The following LAMA2 variants were observed in gnomAD, a reference collection of about 807,000 sequenced individuals.
LAMA2 encodes the protein laminin subunit alpha-2.
Under a neutral mutation model 364.8 loss-of-function variants are expected in LAMA2, and 269 were observed. The ratio of observed to expected loss-of-function variants is 0.74; its 90% CI spans 0.67 to 0.82. The LOEUF is 0.82. LAMA2 is among the 40% of genes least tolerant of loss of function. The probability of loss-of-function intolerance (pLI) is 0.00; values close to 1 mark genes in which losing one functional copy is unlikely to be tolerated. For synonymous variants in LAMA2, 1,379 were observed against 1,370.6 expected (o/e 1.01, Z -0.14); for missense variants, 3,807 against 3,873.2 (o/e 0.98, Z 0.45).
At chr6:129,444,908 C>T (rs891514862) in intron 44 of LAMA2, among the ~76,000 whole-genome samples, 2 of 152,254 alleles carry the variant, frequency 1.3e-5, no homozygotes, top group African/African-American at 2.4e-5. Context: ...TACCACGTGG[C>T]ATAGGCCCTC....
chr6:128,905,955 G>A (rs534664628), intron 1 of LAMA2, among the ~76,000 whole-genome samples: 2 of 151,650 alleles, frequency 1.3e-5, no homozygotes, highest in African/African-American at 4.8e-5. Flanking sequence ...CCCTACAAAG[G>A]ACATGAACTC....
chr6:128,956,326 G>C (rs951452764), intron 1 of LAMA2, among the ~76,000 whole-genome samples: 28 of 151,952 alleles, frequency 1.8e-4, no homozygotes, highest in African/African-American at 6.0e-4. Flanking sequence ...CCAGACCCTG[G>C]GGTATGTCTA....
Position 129,464,412 on chromosome 6 carries a change from C to A in LAMA2, c.7115C>A (p.Ser2372Tyr). The change falls in exon 50 of 65, where the codon TCT becomes TAT. Residue 2372 changes from serine to tyrosine, a missense_variant. Physicochemically the swap from Ser to Tyr is moderately radical, Grantham distance 144. Transcript: ENST00000421865. ...STVMFKFRTF[S>Y]SSALLMYLAT... is the part of the protein sequence containing the mutation. ...GTCATGTTCAAGTTCAGAACATTTT[C>A]TTCGAGTGCTCTTCTGATGTATCTT... is the stretch of plus-strand genomic sequence containing the variant. 1.2e-6 allele frequency: 2 copies of A among 1,612,302 alleles called. No individual in the cohort carries two copies. The highest frequency in any genetic ancestry group is 4.5e-5 in the East Asian group (2 of 44,834).
intron 1 of LAMA2, among the ~76,000 whole-genome samples, chr6:128,901,239 A>G (rs1240811452): frequency 6.6e-6 from 1 of 152,210 alleles, no homozygotes; most frequent in Admixed American, 6.5e-5. Flanking sequence ...ATTTTCAAAA[A>G]TCCTATGCTT....
At chr6:128,915,949 T>C (rs1465255574) in intron 1 of LAMA2, among the ~76,000 whole-genome samples, 1 of 152,222 alleles carries the variant, frequency 6.6e-6, no homozygotes, top group Non-Finnish European at 1.5e-5. Context: ...ATAAGATGTG[T>C]AATACAGCTA....
chr6:129,128,920 A>C (rs569352914), intron 4 of LAMA2, among the ~76,000 whole-genome samples: 1 of 152,198 alleles, frequency 6.6e-6, no homozygotes, highest in East Asian at 1.9e-4. Context: ...TATAAGTGAA[A>C]TATTTCTTAA....
intron 32 of LAMA2, among the ~76,000 whole-genome samples, chr6:129,365,380 G>T (rs933073230): frequency 2.0e-5 from 3 of 151,828 alleles, no homozygotes; most frequent in South Asian, 4.2e-4. Flanking sequence ...TTATTTTTTG[G>T]GGGGTGGAGT....
rs73776187 is a variant in LAMA2, at chr6:129,492,610, T to A, written c.8244+127T>A. The A allele has an allele frequency of 4.5e-3, 3,843 of 850,686 alleles. 91 individuals are homozygous for A. In the African/African-American group the frequency reaches 0.055, roughly 12 times the overall value. The allele number at this position is 850,686 out of a possible 1,614,324, so 52.7% of individuals were successfully genotyped here. A position where few individuals can be genotyped will look rare whatever the true frequency, so the allele number is the denominator to read the frequency against. On this transcript the variant is annotated intron_variant, in intron 58 of 64. Coordinates refer to ENST00000421865, the MANE Select transcript of LAMA2 (RefSeq NM_000426.4). The stretch of plus-strand genomic sequence containing the variant: ...AGAATTGAAAGAAATATAACCTATC[T>A]AAACCTATTCTTACATCTTCATTGA...
chr6:128,908,621 G>A (rs1777667707), intron 1 of LAMA2, among the ~76,000 whole-genome samples: 1 of 130,988 alleles, frequency 7.6e-6, no homozygotes, highest in Non-Finnish European at 1.6e-5. Context: ...AGGGTTTTTT[G>A]TGTCTCTATT....
chr6:129,184,051 A>G (rs1377367447), intron 10 of LAMA2, among the ~76,000 whole-genome samples: 2 of 152,108 alleles, frequency 1.3e-5, no homozygotes, highest in Admixed American at 1.3e-4. Context: ...CTGTACAAGT[A>G]TAAAGTATAA....
chr6:129,202,972 C>T (rs553277105), intron 12 of LAMA2, among the ~76,000 whole-genome samples: 1 of 152,320 alleles, frequency 6.6e-6, no homozygotes, highest in East Asian at 1.9e-4. Context: ...CTAGCTGTCA[C>T]AAGACCTCTA....
chr6:129,321,317 C>A (rs1365534073), intron 28 of LAMA2, among the ~76,000 whole-genome samples: 1 of 152,116 alleles, frequency 6.6e-6, no homozygotes, highest in African/African-American at 2.4e-5. Context: ...AGATGAGAAA[C>A]TGGCCTGGGT....
intron 1 of LAMA2, among the ~76,000 whole-genome samples, chr6:128,995,446 A>G (rs187801215): frequency 1.3e-5 from 2 of 152,208 alleles, no homozygotes; most frequent in Non-Finnish European, 1.5e-5. Context: ...TTCAGCCTCC[A>G]TAGTAGCTGG....
intron 1 of LAMA2, among the ~76,000 whole-genome samples, chr6:128,979,585 A>G (rs2114635113): frequency 6.6e-6 from 1 of 152,354 alleles, no homozygotes; most frequent in East Asian, 1.9e-4. Flanking sequence ...AGCAAAGATC[A>G]CTTGGTAGAT....
chr6:129,484,997 G>T (rs1264462321), intron 55 of LAMA2, among the ~76,000 whole-genome samples: 3 of 152,170 alleles, frequency 2.0e-5, no homozygotes, highest in African/African-American at 7.2e-5. Flanking sequence ...TTGAAGAGTA[G>T]AGGGAGAAAA....
At chr6:129,324,976 C>T (rs1775186753) in intron 28 of LAMA2, among the ~76,000 whole-genome samples, 1 of 152,238 alleles carries the variant, frequency 6.6e-6, no homozygotes, top group African/African-American at 2.4e-5. Context: ...TGCCTGATTG[C>T]AAAATCCATG....
chr6:129,219,204 C>T (rs1392894040), intron 12 of LAMA2, among the ~76,000 whole-genome samples: 1 of 152,092 alleles, frequency 6.6e-6, no homozygotes, highest in Non-Finnish European at 1.5e-5. Context: ...GACATTTATG[C>T]AGCCAAAAAA....
At chr6:129,146,330 G>A (rs1047162489) in intron 5 of LAMA2, among the ~76,000 whole-genome samples, 1 of 151,924 alleles carries the variant, frequency 6.6e-6, no homozygotes, top group African/African-American at 2.4e-5. Flanking sequence ...TAGCTGGGTA[G>A]ATTAAAATAA....
chr6:128,941,103 T>G (rs1426241260), intron 1 of LAMA2, among the ~76,000 whole-genome samples: 3 of 152,224 alleles, frequency 2.0e-5, no homozygotes, highest in African/African-American at 7.2e-5. Context: ...GCATGGGGCT[T>G]TTAAGAACTT....
Sources: gnomAD v4.1 joint callset for allele counts (sites outside exome capture counted in the v4.1 genomes callset) on GRCh38, gnomAD v4.1.1 for gene constraint, MANE v1.5 for transcripts, NCBI Gene and HGNC (gene_info 2026-07-23, HGNC 2026-07-21) for gene names.